The following BCR variants were observed in gnomAD, a reference collection of about 807,000 sequenced individuals.
BCR encodes breakpoint cluster region protein.
A neutral mutation model predicts 138.6 loss-of-function variants in BCR; 58 were observed. The observed-to-expected ratio is 0.42, with a 90% confidence interval of 0.34 to 0.52. The LOEUF (loss-of-function observed/expected upper bound fraction) is 0.52. BCR is among the 20% of genes least tolerant of loss of function. The pLI is 0.06. For missense variants in BCR, 1,599 were observed against 1,727.2 expected (o/e 0.93, Z 1.32); for synonymous variants, 786 against 730.1 (o/e 1.08, Z -1.23).
rs763265288 is a variant in BCR at position 23,315,428 on chromosome 22, G to A, written c.3727-5G>A. Reference sequence around the variant, plus strand: ...ACTCTTCTCTTCCCTACTCTGCCCGGGCAGGTCCAGGTGCTGCTGTACTTC... The same window carrying A: ...ACTCTTCTCTTCCCTACTCTGCCCGAGCAGGTCCAGGTGCTGCTGTACTTC... On this transcript the variant is annotated splice_region_variant and splice_polypyrimidine_tract_variant and intron_variant, in intron 22 of 22. Transcript: ENST00000305877. 1 of 1,613,512 alleles carries A rather than the reference G, an allele frequency of 6.2e-7. No homozygotes were observed. Among genetic ancestry groups the A allele is most frequent in the African/African-American group, 1.3e-5 (1 of 74,890 alleles).
chr22:23,301,548 C>T (rs1217194038), intron 16 of BCR, among the ~76,000 whole-genome samples: 1 of 152,202 alleles, frequency 6.6e-6, no homozygotes, highest in Admixed American at 6.5e-5. Flanking sequence ...TTGAAAAATC[C>T]CTCCCTGAAG....
At position 23,181,427 on chromosome 22, in the gene BCR, C is replaced by G. The variant is rs1396864304; in HGVS notation, c.467C>G (p.Ser156Cys). The G allele has an allele frequency of 1.0e-5, 16 of 1,592,000 alleles. 1 individual carries two copies. Among genetic ancestry groups the G allele is most frequent in the Non-Finnish European group, 1.1e-5 (13 of 1,166,896 alleles). Residue 156 changes from serine to cysteine, a missense_variant, in exon 1 of 23, where the codon TCC becomes TGC. Coordinates refer to ENST00000305877, the MANE Select transcript of BCR (RefSeq NM_004327.4). Reference protein sequence around the residue: ...GPPASVAALRSNFERIRKGHG... With the variant: ...GPPASVAALRCNFERIRKGHG... ...CCCGCCAGCGTGGCGGCGCTCAGGT[C>G]CAACTTCGAGCGGATCCGCAAGGGC...
intron 4 of BCR, chr22:23,263,846 G>T (rs957968498): frequency 1.6e-5 from 17 of 1,044,074 alleles, no homozygotes; most frequent in East Asian, 9.5e-5. Flanking sequence ...ACACCATCCA[G>T]ACTGAAGACC....
intron 16 of BCR, 23 bp downstream of exon 16, chr22:23,295,178 C>A (rs747430757): frequency 6.2e-7 from 1 of 1,612,854 alleles, no homozygotes; most frequent in South Asian, 1.1e-5. Context: ...TCCCTACCCT[C>A]CCCTGCCCGA....
rs1027612798 is a variant in BCR at position 23,268,619 on chromosome 22, C to G, written c.1860+104C>G. ...CACCAGATCAAGATCTGGTCGTGAACCCCAGCTGTTTCCAGATTCTGTTGG... is the reference window on the plus strand; with the variant it reads ...CACCAGATCAAGATCTGGTCGTGAAGCCCAGCTGTTTCCAGATTCTGTTGG... On this transcript the variant is annotated intron_variant, in intron 5 of 22. Coordinates refer to ENST00000305877, the MANE Select transcript of BCR (RefSeq NM_004327.4). 8 of 993,348 alleles carry G rather than the reference C, an allele frequency of 8.1e-6. No individual in the cohort carries two copies. The East Asian group carries it at 2.1e-4, about 26-fold the overall frequency. 61.5% of individuals were successfully genotyped at this position (993,348 alleles called of 1,614,324 possible).
chr22:23,299,536 A>G (rs1001593417), intron 16 of BCR, among the ~76,000 whole-genome samples: 1 of 151,746 alleles, frequency 6.6e-6, no homozygotes, highest in Non-Finnish European at 1.5e-5. Flanking sequence ...CGTGATCTTT[A>G]TTTTGGCTTA....
chr22:23,182,223 C>T lies in BCR; in HGVS notation c.1263C>T (p.Ala421=), dbSNP rs780281584. Residue 421 remains alanine, a synonymous_variant, in exon 1 of 23, where the codon GCC becomes GCT. Coordinates refer to ENST00000305877, the MANE Select transcript of BCR (RefSeq NM_004327.4). The part of the protein sequence containing the change: ...GQIWPNDGEG[A]FHGDADGSFG... The stretch of plus-strand genomic sequence containing the variant: ...TCTGGCCCAACGATGGCGAGGGCGC[C>T]TTCCATGGAGACGCAGGTGAGTTCC... 2 of 1,574,182 alleles carry T rather than the reference C, an allele frequency of 1.3e-6. No individual in the cohort carries two copies. The highest frequency in any genetic ancestry group is 3.5e-5 in the Admixed American group (2 of 57,508).
At chr22:23,247,029 G>A (rs576640477) in intron 1 of BCR, among the ~76,000 whole-genome samples, 137 of 152,206 alleles carry the variant, frequency 9.0e-4, no homozygotes, top group Non-Finnish European at 1.6e-3. Flanking sequence ...CATGAGACCC[G>A]AACCTCTGTC....
chr22:23,197,923 G>T (rs1247790382), intron 1 of BCR, among the ~76,000 whole-genome samples: 3 of 152,094 alleles, frequency 2.0e-5, no homozygotes, highest in Non-Finnish European at 4.4e-5. Flanking sequence ...GGTGAGCGCT[G>T]TGCTGGCAGG....
chr22:23,295,554 G>T (rs2073836104), intron 16 of BCR, among the ~76,000 whole-genome samples: 1 of 151,970 alleles, frequency 6.6e-6, no homozygotes, highest in Non-Finnish European at 1.5e-5. Flanking sequence ...AAGCACAGGG[G>T]TCCCAGAGGC....
At chr22:23,268,641 T>C in intron 5 of BCR, 126 bp downstream of exon 5, 1 of 862,910 alleles carries the variant, frequency 1.2e-6, no homozygotes, top group South Asian at 1.5e-5. Flanking sequence ...CCAGATTCTG[T>C]TGGGTTCGTT....
chr22:23,297,204 G>GTTTTTTT (rs1568979500), intron 16 of BCR, among the ~76,000 whole-genome samples: 1 of 124,158 alleles, frequency 8.1e-6, no homozygotes, highest in African/African-American at 3.5e-5. Flanking sequence ...GCCTGGCTAA[G>GTTTTTTT]TTGTTTTTTG....
chr22:23,262,778 C>T (rs1248534819), intron 4 of BCR: 3 of 953,848 alleles, frequency 3.1e-6, no homozygotes, highest in Admixed American at 6.0e-5. Context: ...GAGGGGGAAG[C>T]GAAGGAAGGG....
In BCR at chr22:23,253,820, C is replaced by G. The variant is rs753789104; in HGVS notation, c.1301C>G (p.Pro434Arg). 6.2e-7 allele frequency: 1 copy of G among 1,612,462 alleles called. No homozygotes were observed. ...GDADGSFGTP[P>R]GYGCAADRAE... ...ACAGATGGCTCGTTCGGAACACCACCTGGATACGGCTGCGCTGCAGACCGG... is the reference window on the plus strand; with the variant it reads ...ACAGATGGCTCGTTCGGAACACCACGTGGATACGGCTGCGCTGCAGACCGG... Residue 434 changes from proline (P) to arginine (R), a missense_variant, in exon 2 of 23, where the codon CCT becomes CGT. Physicochemically the swap from Pro to Arg is moderately radical, Grantham distance 103. This residue lies in a region of BCR where 590 missense variants were observed against 762.4 expected (regional missense o/e 0.77). Transcript: ENST00000305877.
chr22:23,245,780 T>C (rs2073150382), intron 1 of BCR, among the ~76,000 whole-genome samples: 1 of 151,768 alleles, frequency 6.6e-6, no homozygotes, highest in Non-Finnish European at 1.5e-5. Context: ...GGTTCCCTGC[T>C]TAGGAGAGGA....
At chr22:23,296,021 G>GC in intron 16 of BCR, among the ~76,000 whole-genome samples, 1 of 152,252 alleles carries the variant, frequency 6.6e-6, no homozygotes, top group African/African-American at 2.4e-5. Flanking sequence ...GAAGCACAGG[G>GC]CTCCTCAGGA....
chr22:23,264,205 G>A (rs1010283880), intron 4 of BCR: 14 of 1,197,410 alleles, frequency 1.2e-5, no homozygotes, highest in African/African-American at 1.5e-5. Flanking sequence ...AGCGTTGTAC[G>A]GCTGTGGGAC....
At chr22:23,262,697 GC>G (rs796540948) in intron 4 of BCR, 7 of 178,722 alleles carry the variant, frequency 3.9e-5, no homozygotes, top group Admixed American at 2.3e-4. Context: ...GGAATGGCGG[GC>G]CCGGGTGAGG....
At chr22:23,268,684 G>A (rs1479222063) in intron 5 of BCR, among the ~76,000 whole-genome samples, 169 bp downstream of exon 5, 3 of 152,322 alleles carry the variant, frequency 2.0e-5, no homozygotes, top group East Asian at 1.9e-4. Context: ...GCTGTTGTGC[G>A]CAGACCGAAG....
Sources: gnomAD v4.1 joint callset for allele counts (sites outside exome capture counted in the v4.1 genomes callset) on GRCh38, gnomAD v4.1.1 for gene constraint, gnomAD v4.1.1 regional missense constraint, MANE v1.5 for transcripts, NCBI Gene and HGNC (gene_info 2026-07-23, HGNC 2026-07-21) for gene names.